Variants in MYO5B observed in about 807,000 individuals in gnomAD.
The protein encoded by MYO5B is myosin VB.
In MYO5B, 143 loss-of-function variants were observed where a neutral mutation model predicts 229.3. The ratio of observed to expected loss-of-function variants is 0.62; its 90% CI spans 0.54 to 0.72. The LOEUF (loss-of-function observed/expected upper bound fraction) is 0.72, where lower values mean the gene tolerates loss of function less well. Among genes scored for constraint, MYO5B ranks in the 30% least tolerant of loss-of-function variants. MYO5B has a pLI of 0.00. For missense variants in MYO5B, 2,321 were observed against 2,331.0 expected (o/e 1.00, Z 0.09); for synonymous variants, 918 against 885.2 (o/e 1.04, Z -0.66).
intron 2 of MYO5B, among the ~76,000 whole-genome samples, chr18:50,054,761 C>T (rs1445825351): frequency 6.6e-6 from 1 of 152,148 alleles, no homozygotes; most frequent in East Asian, 1.9e-4. Context: ...TAAGTACTTG[C>T]CACATATTAA....
intron 1 of MYO5B, among the ~76,000 whole-genome samples, chr18:50,143,624 A>G (rs2032452391): frequency 6.6e-6 from 1 of 152,252 alleles, no homozygotes. Flanking sequence ...AAGTTCTATA[A>G]CATAGCCAGA....
intron 2 of MYO5B, 126 bp downstream of exon 2, chr18:50,055,142 G>C: frequency 1.4e-6 from 1 of 701,910 alleles, no homozygotes; most frequent in Non-Finnish European, 2.5e-6. Flanking sequence ...AAGAATCCAA[G>C]GGCTCAAGAG....
chr18:50,038,589 C>T (rs1339625725), intron 3 of MYO5B, among the ~76,000 whole-genome samples: 1 of 152,130 alleles, frequency 6.6e-6, no homozygotes, highest in Non-Finnish European at 1.5e-5. Flanking sequence ...TTCACATTTC[C>T]GTATCATACT....
chr18:49,963,158 G>A, intron 10 of MYO5B, 128 bp from the exon 11 acceptor site: 2 of 768,046 alleles, frequency 2.6e-6, no homozygotes, highest in South Asian at 2.8e-5. Context: ...CTCATCTTGT[G>A]TTCAGAGAGA....
intron 1 of MYO5B, among the ~76,000 whole-genome samples, chr18:50,115,492 AG>A (rs1294243519): frequency 6.6e-6 from 1 of 151,988 alleles, no homozygotes; most frequent in East Asian, 1.9e-4. Context: ...GCTAGGCTCT[AG>A]AAAGTTGGTG....
intron 17 of MYO5B, 40 bp downstream of exon 17, chr18:49,929,472 A>C: frequency 2.0e-6 from 3 of 1,532,224 alleles, no homozygotes; most frequent in Non-Finnish European, 2.7e-6. Context: ...TGGCTGCTCT[A>C]GGGCAGCCCC....
chr18:49,896,877 C>A (rs190546170), intron 21 of MYO5B, among the ~76,000 whole-genome samples: 1 of 152,236 alleles, frequency 6.6e-6, no homozygotes, highest in African/African-American at 2.4e-5. Context: ...GTACATCCAA[C>A]CTAATCAACC....
Position 50,193,606 on chromosome 18 carries a change from C to T in MYO5B, c.27+1161G>A, listed in dbSNP as rs538444146. Among the ~76,000 whole-genome samples the T allele has an allele frequency of 8.0e-3, 1,217 of 152,314 alleles. 13 individuals are homozygous for T. Among genetic ancestry groups the T allele is most frequent in the African/African-American group, 0.027 (1,142 of 41,570 alleles). ...CAGACCTGTTGGCCCGGGCGGGTGT[C>T]CCGGGAATCGCATACCCACGCAACG... On this transcript the variant is annotated intron_variant, in intron 1 of 39. Transcript: ENST00000285039.
At chr18:49,929,667 C>CA in intron 16 of MYO5B, 69 bp from the exon 17 acceptor site, 2 of 1,349,618 alleles carry the variant, frequency 1.5e-6, no homozygotes, top group Non-Finnish European at 2.1e-6. Flanking sequence ...AAAAAAGAAA[C>CA]AAAAAAGAAT....
chr18:50,009,337 C>A (rs960516012), intron 4 of MYO5B, among the ~76,000 whole-genome samples: 1 of 152,168 alleles, frequency 6.6e-6, no homozygotes, highest in Admixed American at 6.5e-5. Context: ...GAGATTGCAC[C>A]ACTGCACTCC....
chr18:49,893,697 T>C (rs2024743604), intron 22 of MYO5B, among the ~76,000 whole-genome samples: 1 of 152,196 alleles, frequency 6.6e-6, no homozygotes. Flanking sequence ...CTCTGGCCCC[T>C]GGAGATCCCT....
In MYO5B at chr18:49,837,760, C is replaced by G. The variant is rs1405215615; in HGVS notation, c.4895G>C (p.Gly1632Ala). The G allele has an allele frequency of 6.2e-7, 1 of 1,613,986 alleles. No individual in the cohort carries two copies. The highest frequency in any genetic ancestry group is 1.3e-5 in the African/African-American group (1 of 74,886). The change falls in exon 37 of 40, where the codon GGT becomes GCT. Residue 1632 changes from glycine (G) to alanine (A), a missense_variant. Physicochemically the swap from Gly to Ala is moderately conservative, Grantham distance 60. Transcript: ENST00000285039. ...LENESIQGLS[G>A]VKPTGYRKRS... The stretch of plus-strand genomic sequence containing the variant: ...CTTCCGGTAGCCGGTGGGCTTCACA[C>G]CAGATAGACCCTGAATGCTCTCATT...
At chr18:49,967,166 C>T (rs747809913) in intron 10 of MYO5B, among the ~76,000 whole-genome samples, 3 of 152,134 alleles carry the variant, frequency 2.0e-5, no homozygotes, top group Admixed American at 6.5e-5. Flanking sequence ...CTCTCGATGG[C>T]ACAATGATCA....
intron 1 of MYO5B, among the ~76,000 whole-genome samples, chr18:50,154,495 T>C (rs1258577711): frequency 2.0e-5 from 3 of 152,136 alleles, no homozygotes; most frequent in Non-Finnish European, 1.5e-5. Context: ...ACAGGTTGAG[T>C]AGTAATGTCA....
In MYO5B at chr18:50,055,305, CCTT is replaced by C. The variant is rs760247881; in HGVS notation, c.98_100del (p.Glu33del). ...CAGTCTGAGCTGTAGGCTCTTGTCT[CCTT>C]CTTTGTAGTCCTTGGTTAACTCAGC... is the stretch of plus-strand genomic sequence containing the variant. On this transcript the variant is annotated inframe_deletion, in exon 2 of 40. Transcript: ENST00000285039. The C allele has an allele frequency of 4.8e-5, 73 of 1,515,438 alleles. No homozygotes were observed. Among genetic ancestry groups the C allele is most frequent in the Non-Finnish European group, 6.3e-5 (71 of 1,120,360 alleles). The allele number at this position is 1,515,438 out of a possible 1,614,324, so 93.9% of individuals were successfully genotyped here.
At chr18:49,882,957 C>A (rs890433496) in intron 22 of MYO5B, among the ~76,000 whole-genome samples, 25 of 152,194 alleles carry the variant, frequency 1.6e-4, no homozygotes, top group African/African-American at 5.8e-4. Flanking sequence ...CCCAGTATCT[C>A]TTATGAACAT....
At chr18:49,960,056 G>A (rs1441699278) in intron 12 of MYO5B, among the ~76,000 whole-genome samples, 1 of 152,002 alleles carries the variant, frequency 6.6e-6, no homozygotes, top group African/African-American at 2.4e-5. Flanking sequence ...CCAGTCACAG[G>A]CCCTGGGGAG....
chr18:50,119,998 A>T (rs970969197), intron 1 of MYO5B, among the ~76,000 whole-genome samples: 3 of 152,106 alleles, frequency 2.0e-5, no homozygotes, highest in Non-Finnish European at 2.9e-5. Context: ...AACATATTTA[A>T]AAAAAGGTCT....
intron 1 of MYO5B, among the ~76,000 whole-genome samples, chr18:50,073,887 C>T (rs1351828610): frequency 6.6e-6 from 1 of 152,244 alleles, no homozygotes; most frequent in East Asian, 1.9e-4. Flanking sequence ...ATTGGCAAGG[C>T]CCATTCACTC....
Sources: allele counts gnomAD v4.1 joint callset (sites outside exome capture counted in the v4.1 genomes callset), GRCh38; gene constraint gnomAD v4.1.1; transcripts MANE v1.5; gene names NCBI Gene and HGNC (gene_info 2026-07-23, HGNC 2026-07-21).